The following CYP27C1 variants were observed in gnomAD, a reference collection of about 807,000 sequenced individuals.
CYP27C1 encodes the protein cytochrome P450 27C1.
Under a neutral mutation model 40.6 loss-of-function variants are expected in CYP27C1, and 29 were observed. That is an observed-to-expected ratio of 0.71 (90% CI 0.53 to 0.97). CYP27C1 has a LOEUF of 0.97. Among genes scored for constraint, CYP27C1 ranks in the 50% least tolerant of loss-of-function variants. CYP27C1 has a pLI of 0.00. For synonymous variants in CYP27C1, 198 were observed against 186.8 expected (o/e 1.06, Z -0.49); for missense variants, 390 against 485.8 (o/e 0.80, Z 1.85).
intron 8 of CYP27C1, among the ~76,000 whole-genome samples, chr2:127,189,168 G>GCCCCCCCCCCCCC (rs34707287): frequency 3.0e-4 from 38 of 128,786 alleles, no homozygotes; most frequent in South Asian, 4.9e-4. Flanking sequence ...AAAAAACACT[G>GCCCCCCCCCCCCC]CCCCCCCCCT....
rs1477565101 is a variant in CYP27C1, at chr2:127,187,544, G to A, written c.1498-157C>T. The stretch of plus-strand genomic sequence containing the variant: ...GCTTTTGGAGGCTACAGAACCTCCA[G>A]GTCAGTGGGAAGCCCGCTGTTTGGA... On this transcript the variant is annotated intron_variant, in intron 8 of 8. Transcript: ENST00000664447. Among the ~76,000 whole-genome samples the A allele has an allele frequency of 2.0e-5, 3 of 152,348 alleles. 1 individual carries two copies. The highest frequency in any genetic ancestry group is 4.4e-5 in the Non-Finnish European group (3 of 68,044).
In CYP27C1 at chr2:127,204,476, GAAAGAAAGA is replaced by G. The variant is rs1558931022; in HGVS notation, c.474-914_474-906del. On this transcript the variant is annotated intron_variant, in intron 2 of 8. Coordinates refer to ENST00000664447, the MANE Select transcript of CYP27C1 (RefSeq NM_001367502.1). Reference sequence around the variant, plus strand: ...AGAAAGAAAGAAAGAAAGAAAGAAAGAAAGAAAGAAAGGAAGGAAGGAAGGAAGGAAAGA... The same window carrying G: ...AGAAAGAAAGAAAGAAAGAAAGAAAGAAGGAAGGAAGGAAGGAAGGAAAGA... 2.1e-4 allele frequency among the ~76,000 whole-genome samples: 14 copies of G among 66,090 alleles called. 1 individual carries two copies. The highest frequency in any genetic ancestry group is 7.8e-4 in the South Asian group (2 of 2,578). 43.4% of individuals were successfully genotyped at this position (66,090 alleles called of 152,430 possible).
Position 127,218,231 on chromosome 2 carries a change from T to C in CYP27C1, c.282+1758A>G, listed in dbSNP as rs1304726088. Among the ~76,000 whole-genome samples the C allele has an allele frequency of 3.3e-5, 5 of 152,006 alleles. No homozygotes were observed. The highest frequency in any genetic ancestry group is 1.2e-4 in the African/African-American group (5 of 41,350). On this transcript the variant is annotated intron_variant, in intron 1 of 8. Transcript: ENST00000664447. The surrounding 1 kb of genome is among the most constrained non-coding windows in gnomAD (Gnocchi z 6.0). ...TGGATACAGGCTTTAACACGGTCCG[T>C]CTCAAAGAAACCTGTGCCCATGGAA...
chr2:127,213,068 T>G (rs181659775), intron 1 of CYP27C1, among the ~76,000 whole-genome samples: 159 of 152,210 alleles, frequency 1.0e-3, no homozygotes, highest in Middle Eastern at 6.8e-3. Context: ...CCATTCATAA[T>G]CACTACAAAG....
chr2:127,202,069 T>A (rs911086744), intron 3 of CYP27C1, among the ~76,000 whole-genome samples: 2 of 149,590 alleles, frequency 1.3e-5, no homozygotes, highest in African/African-American at 4.9e-5. Flanking sequence ...TAGAAAGTCC[T>A]CCAAGATGCA....
In CYP27C1 at chr2:127,184,538, A is replaced by C. The variant is rs891119382; in HGVS notation, c.*2733T>G. 2 of 151,840 alleles carry C rather than the reference A, an allele frequency of 1.3e-5. No homozygotes were observed. The highest frequency in any genetic ancestry group is 4.8e-5 in the African/African-American group (2 of 41,282). The allele number at this position is 151,840 out of a possible 1,614,324, so 9.4% of individuals were successfully genotyped here. A position where few individuals can be genotyped will look rare whatever the true frequency, so the allele number is the denominator to read the frequency against. ...GCAATTCTCCTGCCTCAGCCTCCCA[A>C]GTAGCTGGAATTACAGAAGCCCGCC... On this transcript the variant is annotated 3_prime_UTR_variant, in exon 9 of 9. Transcript: ENST00000664447.
intron 8 of CYP27C1, among the ~76,000 whole-genome samples, chr2:127,190,993 C>A (rs1227635980): frequency 6.6e-6 from 1 of 150,384 alleles, no homozygotes; most frequent in African/African-American, 2.5e-5. Flanking sequence ...CACCTGTAAT[C>A]CCAGCACTTT....
chr2:127,204,302 A>AAAGGAAGG (rs758547817), intron 2 of CYP27C1, among the ~76,000 whole-genome samples: 3 of 76,596 alleles, frequency 3.9e-5, no homozygotes, highest in African/African-American at 1.7e-4. Flanking sequence ...GAGAGAGAGA[A>AAAGGAAGG]AAGGAAGGAA....
intron 3 of CYP27C1, among the ~76,000 whole-genome samples, chr2:127,202,978 C>A (rs2104688375): frequency 6.6e-6 from 1 of 152,014 alleles, no homozygotes; most frequent in East Asian, 1.9e-4. Flanking sequence ...ACCAGCCTTG[C>A]CAACATGGTG....
intron 8 of CYP27C1, among the ~76,000 whole-genome samples, chr2:127,191,970 G>C (rs1319592471): frequency 6.6e-6 from 1 of 152,148 alleles, no homozygotes; most frequent in African/African-American, 2.4e-5. Context: ...CCTCCTCCCT[G>C]GGCAGTAGAC....
At position 127,196,205 on chromosome 2, in the gene CYP27C1, G is replaced by A. The variant is rs1304011716; in HGVS notation, c.1048-704C>T. 1.3e-5 allele frequency among the ~76,000 whole-genome samples: 2 copies of A among 151,940 alleles called. No homozygotes were observed. Among genetic ancestry groups the A allele is most frequent in the Non-Finnish European group, 2.9e-5 (2 of 67,998 alleles). Reference sequence around the variant, plus strand: ...AGCCTCCCGAGTAGCTGGGACTACAGGCGCTCACCACCACGCCCGGCTAAT... The same window carrying A: ...AGCCTCCCGAGTAGCTGGGACTACAAGCGCTCACCACCACGCCCGGCTAAT... On this transcript the variant is annotated intron_variant, in intron 5 of 8. Transcript: ENST00000664447. This position sits in a 1 kb window ranked among gnomAD's most constrained non-coding sequence, Gnocchi z 4.5.
chr2:127,185,036 C>T lies in CYP27C1; in HGVS notation c.*2235G>A, dbSNP rs959180810. On this transcript the variant is annotated 3_prime_UTR_variant, in exon 9 of 9. Coordinates refer to ENST00000664447, the MANE Select transcript of CYP27C1 (RefSeq NM_001367502.1). This position sits in a 1 kb window ranked among gnomAD's most constrained non-coding sequence, Gnocchi z 4.9. Reference sequence around the variant, plus strand: ...ATCTCACTGTGTTGCCCAAGCTTGTCTCAAACTCCTGGCCTCAAGCAATCC... The same window carrying T: ...ATCTCACTGTGTTGCCCAAGCTTGTTTCAAACTCCTGGCCTCAAGCAATCC... 1.3e-5 allele frequency: 2 copies of T among 152,478 alleles called. No homozygotes were observed. Among genetic ancestry groups the T allele is most frequent in the Non-Finnish European group, 2.9e-5 (2 of 68,250 alleles). The allele number at this position is 152,478 out of a possible 1,614,324, so 9.4% of individuals were successfully genotyped here.
rs538385232 is a variant in CYP27C1, at chr2:127,192,292, G to A, written c.1497+802C>T. On this transcript the variant is annotated intron_variant, in intron 8 of 8. Coordinates refer to ENST00000664447, the MANE Select transcript of CYP27C1 (RefSeq NM_001367502.1). ...CACATTCTCCAAATGTTCAGGCAACGATGGAGCTCCCAAACTTCGGGCCAA... is the reference window on the plus strand; with the variant it reads ...CACATTCTCCAAATGTTCAGGCAACAATGGAGCTCCCAAACTTCGGGCCAA... Among the ~76,000 whole-genome samples, 6 of 152,182 alleles carry A rather than the reference G, an allele frequency of 3.9e-5. No homozygotes were observed. In the South Asian group the frequency reaches 8.3e-4, roughly 21 times the overall value.
intron 1 of CYP27C1, among the ~76,000 whole-genome samples, chr2:127,210,358 G>C (rs117654187): frequency 1.3e-5 from 2 of 152,134 alleles, no homozygotes; most frequent in Non-Finnish European, 2.9e-5. Flanking sequence ...GCTCCTAAAA[G>C]AAGCACCAAA....
rs191337615 is a variant in CYP27C1 at position 127,208,497 on chromosome 2, G to A, written c.283-2407C>T. ...TTTAAGCCTACTGAACTCCTGAGGG[G>A]ATGGGCGACCAGCACCAGCTGCGGC... On this transcript the variant is annotated intron_variant, in intron 1 of 8. Coordinates refer to ENST00000664447, the MANE Select transcript of CYP27C1 (RefSeq NM_001367502.1). This position sits in a 1 kb window ranked among gnomAD's most constrained non-coding sequence, Gnocchi z 5.2. 2.6e-5 allele frequency among the ~76,000 whole-genome samples: 4 copies of A among 152,342 alleles called. No homozygotes were observed. The East Asian group carries it at 7.7e-4, about 29-fold the overall frequency.
At chr2:127,211,107 C>T (rs1409140355) in intron 1 of CYP27C1, among the ~76,000 whole-genome samples, 3 of 151,966 alleles carry the variant, frequency 2.0e-5, no homozygotes, top group Admixed American at 2.0e-4. Context: ...TTAAAATTGA[C>T]CACATATACT....
In CYP27C1 at chr2:127,202,558, T is replaced by C. The variant is rs567573941; in HGVS notation, c.673+814A>G. 5.9e-5 allele frequency among the ~76,000 whole-genome samples: 9 copies of C among 152,338 alleles called. No homozygotes were observed. In the East Asian group the frequency reaches 1.7e-3, roughly 29 times the overall value. On this transcript the variant is annotated intron_variant, in intron 3 of 8. Coordinates refer to ENST00000664447, the MANE Select transcript of CYP27C1 (RefSeq NM_001367502.1). Reference sequence around the variant, plus strand: ...TATGTGCATAAAACATCTCTTGACATATACATGAGAGACTAGTGACCTTTG... The same window carrying C: ...TATGTGCATAAAACATCTCTTGACACATACATGAGAGACTAGTGACCTTTG...
chr2:127,193,787 A>G lies in CYP27C1; in HGVS notation c.1293+2T>C. The G allele has an allele frequency of 6.2e-7, 1 of 1,613,260 alleles. No individual in the cohort carries two copies. Among genetic ancestry groups the G allele is most frequent in the Non-Finnish European group, 8.5e-7 (1 of 1,179,776 alleles). ...TGGCCACCCCCATGGCCCCAAACTC[A>G]CGCCTTTCGGAATCAGATACCCGCC... On this transcript the variant is annotated splice_donor_variant, in intron 7 of 8. Transcript: ENST00000664447. LOFTEE classifies it high-confidence loss of function.
chr2:127,211,292 G>A (rs1244181791), intron 1 of CYP27C1, among the ~76,000 whole-genome samples: 1 of 148,554 alleles, frequency 6.7e-6, no homozygotes, highest in Non-Finnish European at 1.5e-5. Context: ...CAGAAATCAA[G>A]AAGTTCTTTG....
Sources: allele counts gnomAD v4.1 joint callset (sites outside exome capture counted in the v4.1 genomes callset), GRCh38; gene constraint gnomAD v4.1.1; non-coding constraint Gnocchi (gnomAD v3.1); transcripts MANE v1.5; gene names NCBI Gene and HGNC (gene_info 2026-07-23, HGNC 2026-07-21).